The following PARS2 variants were observed in gnomAD, a reference collection of about 807,000 sequenced individuals.
PARS2 encodes the protein probable proline--tRNA ligase, mitochondrial.
A neutral mutation model predicts 27.4 loss-of-function variants in PARS2; 20 were observed. That is an observed-to-expected ratio of 0.73 (90% CI 0.51 to 1.06). The LOEUF (loss-of-function observed/expected upper bound fraction) is 1.06. PARS2 is among the 50% of genes least tolerant of loss of function. The pLI, the probability that PARS2 is intolerant of heterozygous loss-of-function variation, is 0.00. For missense variants in PARS2, 585 were observed against 602.1 expected, an observed-to-expected ratio of 0.97 and a Z score of 0.30; for synonymous variants, 240 against 247.1, an observed-to-expected ratio of 0.97 and a Z score of 0.27.
chr1:54,764,244 G>A (rs1327735933), intron 1 of PARS2, among the ~76,000 whole-genome samples: 5 of 152,230 alleles, frequency 3.3e-5, no homozygotes, highest in Non-Finnish European at 5.9e-5. Context: ...GACCGAGGGA[G>A]AGACCAGGAA....
Position 54,758,158 on chromosome 1 carries a change from G to A in PARS2, c.1004C>T (p.Ala335Val). The part of the protein sequence containing the change: ...FTNVCGKPTL[A>V]EMGCYGLGVT... ...ACCCAAGCCATAGCACCCCATTTCA[G>A]CCAGGGTTGGTTTGCCACAGACATT... Residue 335 changes from alanine (A) to valine (V), a missense_variant, in exon 2 of 2, where the codon GCT (alanine) becomes GTT (valine). Transcript: ENST00000371279. 1 of 1,614,234 alleles carries A rather than the reference G, an allele frequency of 6.2e-7. No individual in the cohort carries two copies. Among genetic ancestry groups the A allele is most frequent in the Middle Eastern group, 1.6e-4 (1 of 6,062 alleles).
At chr1:54,763,121 A>C (rs557458540) in intron 1 of PARS2, among the ~76,000 whole-genome samples, 11 of 151,746 alleles carry the variant, frequency 7.2e-5, no homozygotes, top group Non-Finnish European at 1.3e-4. Context: ...CCTCCCCCCA[A>C]CCCCCAGCAA....
chr1:54,757,918 T>C lies in PARS2; in HGVS notation c.1244A>G (p.His415Arg). Residue 415 changes from histidine (H) to arginine (R), a missense_variant, in exon 2 of 2, where the codon CAT becomes CGT. By Grantham distance (29) the His-to-Arg change is conservative (BLOSUM62 0). Transcript: ENST00000371279. ...TTTCAGTCTGTTTCCGATGGTCAGA[T>C]GGGTCCTGTCGTCCAGGAGCACCTC... ...HGEVLLDDRT[H>R]LTIGNRLKDA... is the part of the protein sequence containing the mutation. 6.2e-7 allele frequency: 1 copy of C among 1,614,196 alleles called. No individual in the cohort carries two copies. The highest frequency in any genetic ancestry group is 8.5e-7 in the Non-Finnish European group (1 of 1,180,030).
intron 1 of PARS2, among the ~76,000 whole-genome samples, chr1:54,761,511 A>C (rs1478411725): frequency 2.0e-5 from 3 of 152,256 alleles, no homozygotes. Context: ...AATGAAGAGA[A>C]GGCTTTTTTT....
rs761436828 is a variant in PARS2 at position 54,758,328 on chromosome 1, G to C, written c.834C>G (p.Phe278Leu). Reference sequence around the variant, plus strand: ...AGTCTAGTGTCTCCATGTTGGCTGAGAAGCTGCAGCGGGGACAGATGGCAA... The same window carrying C: ...AGTCTAGTGTCTCCATGTTGGCTGACAAGCTGCAGCGGGGACAGATGGCAA... ...DRLAICPRCS[F>L]SANMETLDLS... Residue 278 changes from phenylalanine to leucine, a missense_variant, in exon 2 of 2, where the codon TTC becomes TTG. Coordinates refer to ENST00000371279, the MANE Select transcript of PARS2 (RefSeq NM_152268.4). 4.3e-5 allele frequency: 70 copies of C among 1,614,106 alleles called. No individual in the cohort carries two copies. The highest frequency in any genetic ancestry group is 5.6e-5 in the Non-Finnish European group (66 of 1,180,050).
intron 1 of PARS2, among the ~76,000 whole-genome samples, chr1:54,762,696 G>A (rs993089996): frequency 1.3e-5 from 2 of 152,062 alleles, no homozygotes; most frequent in Admixed American, 6.6e-5. Context: ...CACAGTGCCT[G>A]GACACAGTGG....
intron 1 of PARS2, among the ~76,000 whole-genome samples, chr1:54,763,873 T>C (rs2101414883): frequency 6.6e-6 from 1 of 152,308 alleles, no homozygotes; most frequent in East Asian, 1.9e-4. Flanking sequence ...TAATATTAAG[T>C]CTCACAAAGT....
In PARS2 at chr1:54,757,588, A is replaced by G. The variant is rs1039679997; in HGVS notation, c.*146T>C. The stretch of plus-strand genomic sequence containing the variant: ...ACAAATAATCTGAACAAATGACTAG[A>G]TAAAAATTGATTTCCCTAACATGAT... On this transcript the variant is annotated 3_prime_UTR_variant, in exon 2 of 2. Coordinates refer to ENST00000371279, the MANE Select transcript of PARS2 (RefSeq NM_152268.4). 1.7e-6 allele frequency: 1 copy of G among 589,968 alleles called. No homozygotes were observed. The highest frequency in any genetic ancestry group is 2.2e-5 in the South Asian group (1 of 46,086). The allele number at this position is 589,968 out of a possible 1,614,324, so 36.5% of individuals were successfully genotyped here. A position where few individuals can be genotyped will look rare whatever the true frequency, so the allele number is the denominator to read the frequency against.
At chr1:54,762,926 G>T (rs910487985) in intron 1 of PARS2, among the ~76,000 whole-genome samples, 2 of 152,076 alleles carry the variant, frequency 1.3e-5, no homozygotes, top group African/African-American at 4.8e-5. Context: ...TCCAGTCTCC[G>T]TATTAGTCTC....
In PARS2 at chr1:54,758,000, C is replaced by G; in HGVS notation, c.1162G>C (p.Glu388Gln). The change falls in exon 2 of 2, where the codon GAG becomes CAG. Residue 388 changes from glutamate (E) to glutamine (Q), a missense_variant. Transcript: ENST00000371279. ...TGGTCGTACAGCTGCCCTATGAGCTCGGAGGCCGCCTGCTCCTTACTGCCC... is the reference window on the plus strand; with the variant it reads ...TGGTCGTACAGCTGCCCTATGAGCTGGGAGGCCGCCTGCTCCTTACTGCCC... ...KKGSKEQAAS[E>Q]LIGQLYDHIT... 1 of 1,614,100 alleles carries G rather than the reference C, an allele frequency of 6.2e-7. No individual in the cohort carries two copies. Among genetic ancestry groups the G allele is most frequent in the Non-Finnish European group, 8.5e-7 (1 of 1,180,012 alleles).
At chr1:54,763,104 A>T (rs1378309369) in intron 1 of PARS2, among the ~76,000 whole-genome samples, 1 of 152,148 alleles carries the variant, frequency 6.6e-6, no homozygotes, top group African/African-American at 2.4e-5. Context: ...TTCTTGAAAC[A>T]GACTGACCTC....
intron 1 of PARS2, among the ~76,000 whole-genome samples, chr1:54,761,920 G>A (rs1309148355): frequency 6.6e-6 from 1 of 152,216 alleles, no homozygotes; most frequent in Non-Finnish European, 1.5e-5. Flanking sequence ...ACTTCCTTGT[G>A]ATCCAACCTT....
rs530147182 is a variant in PARS2, at chr1:54,757,386, G to A, written c.*348C>T. On this transcript the variant is annotated 3_prime_UTR_variant, in exon 2 of 2. Transcript: ENST00000371279. Reference sequence around the variant, plus strand: ...GCCATCAGCCATTCTCATCTTACACGTGAAAAACTCAGCTGAGAGAAGGGA... The same window carrying A: ...GCCATCAGCCATTCTCATCTTACACATGAAAAACTCAGCTGAGAGAAGGGA... The A allele has an allele frequency of 8.0e-5, 15 of 187,784 alleles. No individual in the cohort carries two copies. The highest frequency in any genetic ancestry group is 1.5e-4 in the South Asian group (1 of 6,506). The allele number at this position is 187,784 out of a possible 1,614,324, so 11.6% of individuals were successfully genotyped here.
At chr1:54,761,969 T>C (rs1220558071) in intron 1 of PARS2, among the ~76,000 whole-genome samples, 1 of 152,216 alleles carries the variant, frequency 6.6e-6, no homozygotes, top group African/African-American at 2.4e-5. Flanking sequence ...TCATCCTTGA[T>C]TCCTCCTAAA....
chr1:54,759,981 G>T (rs913950315), intron 1 of PARS2, among the ~76,000 whole-genome samples: 2 of 151,896 alleles, frequency 1.3e-5, no homozygotes, highest in African/African-American at 4.8e-5. Context: ...TCCAGCCTGG[G>T]TAACACAGTG....
chr1:54,757,762 T>C lies in PARS2; in HGVS notation c.1400A>G (p.Asp467Gly). Residue 467 changes from aspartate to glycine, a missense_variant, in exon 2 of 2, where the codon GAT becomes GGT. Transcript: ENST00000371279. Reference protein sequence around the residue: ...VAFLTKDGVMDLLTPVQTV With the variant: ...VAFLTKDGVMGLLTPVQTV ...GACAGTCTGCACTGGGGTCAGTAAA[T>C]CCATGACTCCATCTTTGGTGAGGAA... The C allele has an allele frequency of 6.2e-7, 1 of 1,612,862 alleles. No homozygotes were observed. The highest frequency in any genetic ancestry group is 8.5e-7 in the Non-Finnish European group (1 of 1,179,360).
intron 1 of PARS2, among the ~76,000 whole-genome samples, chr1:54,762,454 A>G (rs1484745242): frequency 6.6e-6 from 1 of 152,152 alleles, no homozygotes; most frequent in Non-Finnish European, 1.5e-5. Flanking sequence ...TTGTTAAAAC[A>G]GTGATTGCAG....
chr1:54,758,906 C>T lies in PARS2; in HGVS notation c.256G>A (p.Gly86Ser), dbSNP rs199694147. 9.3e-6 allele frequency: 15 copies of T among 1,614,178 alleles called. No homozygotes were observed. Among genetic ancestry groups the T allele is most frequent in the South Asian group, 3.3e-5 (3 of 91,086 alleles). The change falls in exon 2 of 2, where the codon GGC becomes AGC. Residue 86 changes from glycine to serine, a missense_variant. By Grantham distance (56) the Gly-to-Ser change is moderately conservative. Transcript: ENST00000371279. ...QVGLIYPASP[G>S]CYHLLPYTVR... ...GTATATGGCAGGAGGTGGTAACAGC[C>T]GGGGCTTGCTGGGTAGATCAGGCCC... is the stretch of plus-strand genomic sequence containing the variant.
At position 54,757,800 on chromosome 1, in the gene PARS2, A is replaced by T. The variant is rs201052654; in HGVS notation, c.1362T>A (p.Thr454=). 41 of 1,614,182 alleles carry T rather than the reference A, an allele frequency of 2.5e-5. No homozygotes were observed. The East Asian group carries it at 8.2e-4, about 32-fold the overall frequency. Residue 454 remains threonine, a synonymous_variant, in exon 2 of 2, where the codon ACT becomes ACA. Transcript: ENST00000371279. ...CTTTGGTGAGGAAGGCCACCTCACC[A>T]GTGTTCTGACACCAAACCTCAAAAT... ...PAHFEVWCQN[T]GEVAFLTKDG...
Sources: gnomAD v4.1 joint callset for allele counts (sites outside exome capture counted in the v4.1 genomes callset) on GRCh38, gnomAD v4.1.1 for gene constraint, MANE v1.5 for transcripts, NCBI Gene and HGNC (gene_info 2026-07-23, HGNC 2026-07-21) for gene names.